C1QTNF3: variants seen among roughly 807,000 people sequenced by gnomAD.
C1QTNF3 encodes C1q and TNF related 3, also known as complement C1q tumor necrosis factor-related protein 3.
Under a neutral mutation model 32.6 loss-of-function variants are expected in C1QTNF3, and 26 were observed. That is an observed-to-expected ratio of 0.80 (90% CI 0.58 to 1.11). The LOEUF (loss-of-function observed/expected upper bound fraction) is 1.11, where lower values mean the gene tolerates loss of function less well. C1QTNF3 is among the 50% of genes least tolerant of loss of function. The probability of loss-of-function intolerance (pLI) is 0.00; values close to 1 mark genes in which losing one functional copy is unlikely to be tolerated. For missense variants in C1QTNF3, 362 were observed against 398.2 expected (o/e 0.91, Z 0.77); for synonymous variants, 155 against 146.0 (o/e 1.06, Z -0.44).
the C1QTNF3 span, among the ~76,000 whole-genome samples, chr5:34,120,937 T>C: frequency 6.6e-6 from 1 of 152,238 alleles, no homozygotes; most frequent in Non-Finnish European, 1.5e-5. Flanking sequence ...ATTTACTTCC[T>C]GCATTGAGAA....
the C1QTNF3 span, among the ~76,000 whole-genome samples, chr5:34,051,798 G>A: frequency 6.6e-6 from 1 of 152,238 alleles, no homozygotes; most frequent in Non-Finnish European, 1.5e-5. Context: ...GCCAATGGGT[G>A]TGGGTGAGGC....
At chr5:34,082,991 C>A in the C1QTNF3 span, among the ~76,000 whole-genome samples, 3 of 151,224 alleles carry the variant, frequency 2.0e-5, no homozygotes, top group Non-Finnish European at 2.9e-5. Context: ...AGCAAACTAG[C>A]AGATATTGAA....
chr5:34,064,712 C>T, the C1QTNF3 span, among the ~76,000 whole-genome samples: 1 of 152,092 alleles, frequency 6.6e-6, no homozygotes, highest in Non-Finnish European at 1.5e-5. Context: ...AAGCTCAGCT[C>T]AAACTGTAAC....
chr5:34,061,959 G>A, the C1QTNF3 span, among the ~76,000 whole-genome samples: 457 of 152,308 alleles, frequency 3.0e-3, 1 homozygote, highest in African/African-American at 0.01. Flanking sequence ...TTGTCAGGCT[G>A]TAAATTTTCC....
chr5:34,229,604 A>G, the C1QTNF3 span, among the ~76,000 whole-genome samples: 1 of 152,170 alleles, frequency 6.6e-6, no homozygotes, highest in Admixed American at 6.6e-5. Context: ...TAGATTTTAG[A>G]TGGCCAAATG....
the C1QTNF3 span, among the ~76,000 whole-genome samples, chr5:34,061,632 A>G: frequency 6.6e-6 from 1 of 152,186 alleles, no homozygotes; most frequent in Non-Finnish European, 1.5e-5. Context: ...GCAAGTTTTG[A>G]GGCTTGCACC....
chr5:34,138,110 CT>C, the C1QTNF3 span, among the ~76,000 whole-genome samples: 4,858 of 152,216 alleles, frequency 0.032, 255 homozygotes, highest in African/African-American at 0.11. Flanking sequence ...AAGGAGAGGC[CT>C]CAGCAAAAAC....
At chr5:34,022,956 T>C (rs974050566) in intron 5 of C1QTNF3, among the ~76,000 whole-genome samples, 8 of 152,102 alleles carry the variant, frequency 5.3e-5, no homozygotes, top group South Asian at 2.1e-4. Context: ...CCTGGGTTCA[T>C]GCCATTCTCC....
chr5:34,142,753 T>A, the C1QTNF3 span, among the ~76,000 whole-genome samples: 1 of 152,192 alleles, frequency 6.6e-6, no homozygotes, highest in East Asian at 1.9e-4. Flanking sequence ...GGTCTGGCCC[T>A]CTGAAAACAC....
chr5:34,071,489 C>A, the C1QTNF3 span, among the ~76,000 whole-genome samples: 2 of 151,742 alleles, frequency 1.3e-5, no homozygotes, highest in African/African-American at 2.4e-5. Flanking sequence ...TAAGATGGCA[C>A]AATGAATTAT....
At chr5:34,243,162 G>A in the C1QTNF3 span, among the ~76,000 whole-genome samples, 1 of 152,062 alleles carries the variant, frequency 6.6e-6, no homozygotes, top group Admixed American at 6.6e-5. Context: ...CAAAGGACAC[G>A]AACAGATATT....
intron 2 of C1QTNF3, 44 bp from the exon 3 acceptor site, chr5:34,033,502 A>T: frequency 6.2e-7 from 1 of 1,612,246 alleles, no homozygotes; most frequent in Non-Finnish European, 8.5e-7. Context: ...CCAGTCACTC[A>T]TACTTACCAT....
the C1QTNF3 span, among the ~76,000 whole-genome samples, chr5:34,231,173 C>CA: frequency 6.6e-6 from 1 of 152,100 alleles, no homozygotes; most frequent in African/African-American, 2.4e-5. Flanking sequence ...GCTTTAATAA[C>CA]AAATTATCTG....
the C1QTNF3 span, among the ~76,000 whole-genome samples, chr5:34,182,028 AT>A: frequency 0.013 from 1,594 of 126,820 alleles, no homozygotes; most frequent in East Asian, 0.074. Context: ...TATAAAAAGG[AT>A]TTTTTTTTTT....
the C1QTNF3 span, among the ~76,000 whole-genome samples, chr5:34,118,922 A>G: frequency 6.6e-5 from 10 of 151,716 alleles, no homozygotes; most frequent in Non-Finnish European, 1.3e-4. Flanking sequence ...GTGTGTATAC[A>G]TATATATATA....
chr5:34,102,520 T>C, the C1QTNF3 span, among the ~76,000 whole-genome samples: 1 of 152,082 alleles, frequency 6.6e-6, no homozygotes, highest in Non-Finnish European at 1.5e-5. Flanking sequence ...TGTGGCTATT[T>C]AAACATCATC....
the C1QTNF3 span, among the ~76,000 whole-genome samples, chr5:34,122,023 T>C: frequency 6.6e-6 from 1 of 152,206 alleles, no homozygotes; most frequent in Non-Finnish European, 1.5e-5. Context: ...AATAAATGTC[T>C]GTCATTTATA....
At chr5:34,022,204 C>A (rs1020059200) in intron 5 of C1QTNF3, among the ~76,000 whole-genome samples, 1 of 152,128 alleles carries the variant, frequency 6.6e-6, no homozygotes, top group Non-Finnish European at 1.5e-5. Context: ...AGAGTAAAAT[C>A]GAGTAAAAAA....
the C1QTNF3 span, among the ~76,000 whole-genome samples, chr5:34,197,856 A>C: frequency 6.6e-6 from 1 of 152,086 alleles, no homozygotes; most frequent in South Asian, 2.1e-4. Context: ...GTCTGGTCAG[A>C]GCCCATTTTT....
Sources: allele counts gnomAD v4.1 joint callset (sites outside exome capture counted in the v4.1 genomes callset), GRCh38; gene constraint gnomAD v4.1.1; transcripts MANE v1.5; gene names NCBI Gene and HGNC (gene_info 2026-07-23, HGNC 2026-07-21).